NAV2: variants seen among roughly 807,000 people sequenced by gnomAD.
NAV2 encodes the protein helicase, APC down-regulated 1.
In NAV2, 54 loss-of-function variants were observed where a neutral mutation model predicts 223.2. That is an observed-to-expected ratio of 0.24 (90% CI 0.19 to 0.30). The LOEUF is 0.30. Among genes scored for constraint, NAV2 ranks in the 10% least tolerant of loss-of-function variants. The probability of loss-of-function intolerance (pLI) is 1.00; values close to 1 mark genes in which losing one functional copy is unlikely to be tolerated. For synonymous variants in NAV2, 1,279 were observed against 1,239.3 expected, an observed-to-expected ratio of 1.03 and a Z score of -0.67; for missense variants, 2,806 against 3,147.5, an observed-to-expected ratio of 0.89 and a Z score of 2.60.
At chr11:20,086,972 C>T (rs893495089) in intron 26 of NAV2, among the ~76,000 whole-genome samples, 14 of 151,934 alleles carry the variant, frequency 9.2e-5, no homozygotes, top group African/African-American at 2.9e-4. Context: ...TTGGTGGTGT[C>T]GAAAGCTGGG....
intron 1 of NAV2, chr11:19,591,085 T>G (rs965519642): frequency 1.3e-5 from 2 of 152,230 alleles, no homozygotes; most frequent in Admixed American, 1.3e-4. Context: ...TGAGCAAAAA[T>G]GCATTATTCT....
At chr11:19,802,242 G>A (rs2058311040) in intron 1 of NAV2, among the ~76,000 whole-genome samples, 1 of 152,094 alleles carries the variant, frequency 6.6e-6, no homozygotes, top group Non-Finnish European at 1.5e-5. Flanking sequence ...ACCCCTGGCA[G>A]TTTAGGGAAA....
At chr11:19,425,431 C>T (rs1193892788) in intron 1 of NAV2, among the ~76,000 whole-genome samples, 2 of 152,142 alleles carry the variant, frequency 1.3e-5, no homozygotes, top group Non-Finnish European at 1.5e-5. Context: ...TACTCTGTGC[C>T]CTGCTAGTCT....
At chr11:19,676,244 A>G (rs1189386808) in intron 1 of NAV2, among the ~76,000 whole-genome samples, 1 of 152,146 alleles carries the variant, frequency 6.6e-6, no homozygotes, top group African/African-American at 2.4e-5. Context: ...CACCACATAT[A>G]TTTGAAAAGG....
intron 1 of NAV2, among the ~76,000 whole-genome samples, chr11:19,650,819 A>G (rs2047950592): frequency 6.6e-6 from 1 of 152,224 alleles, no homozygotes; most frequent in Non-Finnish European, 1.5e-5. Flanking sequence ...GGCCAAACAA[A>G]AAAGACTATA....
chr11:19,536,131 C>T (rs1028996557), intron 1 of NAV2, among the ~76,000 whole-genome samples: 6 of 152,290 alleles, frequency 3.9e-5, no homozygotes, highest in East Asian at 1.9e-4. Context: ...GAATGCTTTA[C>T]GTACATGGTC....
At chr11:19,533,576 C>T (rs2044091264) in intron 1 of NAV2, among the ~76,000 whole-genome samples, 1 of 152,172 alleles carries the variant, frequency 6.6e-6, no homozygotes, top group Non-Finnish European at 1.5e-5. Context: ...CAGGTTCTCC[C>T]TGTCTTTTCA....
At chr11:19,664,474 A>T (rs553325281) in intron 1 of NAV2, among the ~76,000 whole-genome samples, 16 of 152,290 alleles carry the variant, frequency 1.1e-4, no homozygotes, top group Admixed American at 9.8e-4. Flanking sequence ...CAGAATATTA[A>T]TGGAGAGGTC....
intron 11 of NAV2, among the ~76,000 whole-genome samples, chr11:20,014,564 G>A (rs2053845013): frequency 6.6e-6 from 1 of 152,086 alleles, no homozygotes; most frequent in South Asian, 2.1e-4. Context: ...AAACCCACCT[G>A]GGCAACAAAG....
At chr11:19,613,825 T>A (rs934928041) in intron 1 of NAV2, among the ~76,000 whole-genome samples, 4 of 152,210 alleles carry the variant, frequency 2.6e-5, no homozygotes, top group African/African-American at 9.6e-5. Context: ...GAGGATTATA[T>A]GACATAATTC....
chr11:19,661,835 T>C (rs933187467), intron 1 of NAV2, among the ~76,000 whole-genome samples: 5 of 152,212 alleles, frequency 3.3e-5, no homozygotes, highest in South Asian at 2.1e-4. Context: ...ATTTATCTCA[T>C]ATAATAAGGA....
chr11:19,472,146 A>C (rs2041984087), intron 1 of NAV2, among the ~76,000 whole-genome samples: 1 of 152,158 alleles, frequency 6.6e-6, no homozygotes, highest in Non-Finnish European at 1.5e-5. Flanking sequence ...GGGAGATTAG[A>C]CTGTGTTTTC....
intron 1 of NAV2, among the ~76,000 whole-genome samples, chr11:19,658,772 C>CA (rs1444573854): frequency 1.3e-5 from 2 of 152,166 alleles, no homozygotes; most frequent in Non-Finnish European, 2.9e-5. Context: ...GGAGTATTTA[C>CA]ACCATGGAAA....
intron 1 of NAV2, among the ~76,000 whole-genome samples, chr11:19,585,017 T>C (rs1395654209): frequency 2.0e-5 from 3 of 152,184 alleles, no homozygotes; most frequent in Non-Finnish European, 4.4e-5. Flanking sequence ...GGAGTCTAAG[T>C]CTCTTTGTAG....
intron 1 of NAV2, among the ~76,000 whole-genome samples, chr11:19,784,893 A>G (rs1483109190): frequency 6.6e-6 from 1 of 152,208 alleles, no homozygotes; most frequent in Non-Finnish European, 1.5e-5. Flanking sequence ...CATCATCATC[A>G]TCATCATCAG....
At chr11:19,762,167 C>G (rs192119848) in intron 1 of NAV2, among the ~76,000 whole-genome samples, 2 of 152,162 alleles carry the variant, frequency 1.3e-5, no homozygotes, top group Non-Finnish European at 2.9e-5. Context: ...CACTGGAACC[C>G]GGAAGGTGGA....
intron 34 of NAV2, 86 bp downstream of exon 34, chr11:20,103,810 A>C (rs1310417603): frequency 1.7e-6 from 2 of 1,193,972 alleles, no homozygotes; most frequent in African/African-American, 3.0e-5. Flanking sequence ...GCCTGTGTTG[A>C]GTATGTGTTG....
chr11:19,789,124 C>T (rs2057348185), intron 1 of NAV2, among the ~76,000 whole-genome samples: 1 of 152,068 alleles, frequency 6.6e-6, no homozygotes, highest in Non-Finnish European at 1.5e-5. Flanking sequence ...GGAAGAGAGA[C>T]ACCATTTCTC....
chr11:19,618,301 G>A (rs1397545120), intron 1 of NAV2, among the ~76,000 whole-genome samples: 1 of 151,878 alleles, frequency 6.6e-6, no homozygotes, highest in East Asian at 1.9e-4. Flanking sequence ...TGGCTGGATG[G>A]ATTGCTGGAT....
Sources: allele counts gnomAD v4.1 joint callset (sites outside exome capture counted in the v4.1 genomes callset), GRCh38; gene constraint gnomAD v4.1.1; transcripts MANE v1.5; gene names NCBI Gene and HGNC (gene_info 2026-07-23, HGNC 2026-07-21).